Variants in MALRD1 observed in about 807,000 individuals in gnomAD.
MALRD1 encodes MAM and LDL-receptor class A domain-containing protein 1.
A neutral mutation model predicts 242.1 loss-of-function variants in MALRD1; 247 were observed. That is an observed-to-expected ratio of 1.02 (90% CI 0.92 to 1.13). The LOEUF is 1.13. Ranked by LOEUF, MALRD1 falls within the 50% of genes most tolerant of loss-of-function variation. MALRD1 has a pLI of 0.00. For missense variants in MALRD1, 2,989 were observed against 2,533.1 expected (o/e 1.18, Z -3.86); for synonymous variants, 995 against 866.6 (o/e 1.15, Z -2.60).
At chr10:19,139,082 A>G (rs953087263) in intron 10 of MALRD1, among the ~76,000 whole-genome samples, 4 of 152,232 alleles carry the variant, frequency 2.6e-5, no homozygotes, top group African/African-American at 9.6e-5. Flanking sequence ...ATGTAGCCAT[A>G]TTGCATACAG....
intron 36 of MALRD1, among the ~76,000 whole-genome samples, chr10:19,622,865 A>G (rs140830563): frequency 1.3e-5 from 2 of 152,128 alleles, no homozygotes; most frequent in East Asian, 3.9e-4. Flanking sequence ...GTACATATGA[A>G]AATTTAGTAA....
At chr10:19,264,958 C>T (rs1839914477) in intron 19 of MALRD1, among the ~76,000 whole-genome samples, 1 of 152,004 alleles carries the variant, frequency 6.6e-6, no homozygotes, top group Non-Finnish European at 1.5e-5. Context: ...TTTTTTATTT[C>T]TCGTTGATTC....
At chr10:19,480,747 G>A (rs904838305) in intron 29 of MALRD1, among the ~76,000 whole-genome samples, 5 of 152,100 alleles carry the variant, frequency 3.3e-5, no homozygotes, top group African/African-American at 4.8e-5. Context: ...CTTGTCGGGT[G>A]TACCAGTTCT....
At chr10:19,222,958 C>A in intron 18 of MALRD1, among the ~76,000 whole-genome samples, 1 of 152,146 alleles carries the variant, frequency 6.6e-6, no homozygotes, top group East Asian at 1.9e-4. Flanking sequence ...TCCCATTCAG[C>A]AGAAAATATT....
At chr10:19,072,050 C>T (rs1172568804) in intron 2 of MALRD1, among the ~76,000 whole-genome samples, 1 of 152,118 alleles carries the variant, frequency 6.6e-6, no homozygotes, top group Non-Finnish European at 1.5e-5. Flanking sequence ...CTTATGATTA[C>T]ATATTAAAAG....
intron 31 of MALRD1, among the ~76,000 whole-genome samples, chr10:19,526,866 C>T (rs1834125114): frequency 6.6e-6 from 1 of 152,070 alleles, no homozygotes; most frequent in Non-Finnish European, 1.5e-5. Flanking sequence ...TCTACGAAGT[C>T]ATATCTTTGC....
intron 14 of MALRD1, among the ~76,000 whole-genome samples, chr10:19,178,584 A>T (rs576730778): frequency 2.6e-5 from 4 of 152,332 alleles, no homozygotes; most frequent in South Asian, 2.1e-4. Context: ...CCGCGTGATG[A>T]AAATCGCAAG....
chr10:19,483,164 G>A (rs1837087383), intron 29 of MALRD1, among the ~76,000 whole-genome samples: 1 of 150,602 alleles, frequency 6.6e-6, no homozygotes, highest in Admixed American at 6.6e-5. Context: ...ACTCAAAATG[G>A]ATTAAAGATT....
intron 32 of MALRD1, among the ~76,000 whole-genome samples, chr10:19,564,254 A>AT (rs1217814909): frequency 1.3e-5 from 2 of 152,182 alleles, no homozygotes; most frequent in African/African-American, 4.8e-5. Context: ...ATTAAAAATA[A>AT]ATGCTGAGGA....
intron 38 of MALRD1, among the ~76,000 whole-genome samples, chr10:19,712,664 C>A (rs2131877454): frequency 6.6e-6 from 1 of 152,138 alleles, no homozygotes; most frequent in Admixed American, 6.5e-5. Context: ...CTCAAAGAAC[C>A]CAATAAAAAA....
intron 4 of MALRD1, 66 bp downstream of exon 4, chr10:19,088,251 G>C (rs542837791): frequency 8.3e-7 from 1 of 1,204,420 alleles, no homozygotes; most frequent in African/African-American, 1.6e-5. Context: ...TTAACACCAG[G>C]TGAACTAAAA....
intron 35 of MALRD1, among the ~76,000 whole-genome samples, chr10:19,608,882 T>C (rs1318713277): frequency 6.6e-6 from 1 of 152,104 alleles, no homozygotes; most frequent in Non-Finnish European, 1.5e-5. Flanking sequence ...TGTCACTTTC[T>C]CTGCACTCAG....
chr10:19,540,869 C>T (rs1340004516), intron 32 of MALRD1, among the ~76,000 whole-genome samples: 2 of 152,152 alleles, frequency 1.3e-5, no homozygotes, highest in Non-Finnish European at 2.9e-5. Context: ...AATCCCAGCA[C>T]TTTGGGAGGC....
intron 1 of MALRD1, among the ~76,000 whole-genome samples, chr10:19,064,162 A>AGTGATAC (rs1834903473): frequency 6.6e-6 from 1 of 152,156 alleles, no homozygotes; most frequent in African/African-American, 2.4e-5. Flanking sequence ...TTGAAAACAA[A>AGTGATAC]GTGATACGTT....
At chr10:19,129,070 G>C (rs564290069) in intron 8 of MALRD1, among the ~76,000 whole-genome samples, 1 of 152,144 alleles carries the variant, frequency 6.6e-6, no homozygotes, top group East Asian at 1.9e-4. Flanking sequence ...CAGCAATTCA[G>C]TTCTCTAGTG....
At chr10:19,313,696 T>C (rs1421427778) in intron 21 of MALRD1, among the ~76,000 whole-genome samples, 1 of 151,636 alleles carries the variant, frequency 6.6e-6, no homozygotes, top group Non-Finnish European at 1.5e-5. Context: ...TAGAGTCCTA[T>C]TTGAAATTAG....
chr10:19,303,213 A>G (rs1417270585), intron 21 of MALRD1, among the ~76,000 whole-genome samples: 2 of 151,704 alleles, frequency 1.3e-5, no homozygotes, highest in African/African-American at 2.4e-5. Context: ...ATACTATCCC[A>G]AGACCAAAAC....
intron 34 of MALRD1, among the ~76,000 whole-genome samples, chr10:19,599,943 A>G (rs1233976538): frequency 6.6e-6 from 1 of 152,172 alleles, no homozygotes. Context: ...ATGTATCCTT[A>G]TCATCCAGCC....
chr10:19,386,346 G>A (rs1386040003), intron 26 of MALRD1, among the ~76,000 whole-genome samples: 1 of 151,852 alleles, frequency 6.6e-6, no homozygotes, highest in Non-Finnish European at 1.5e-5. Flanking sequence ...GGCAGGGTGG[G>A]GCTACCACCT....
Sources: allele counts gnomAD v4.1 joint callset (sites outside exome capture counted in the v4.1 genomes callset), GRCh38; gene constraint gnomAD v4.1.1; transcripts MANE v1.5; gene names NCBI Gene and HGNC (gene_info 2026-07-23, HGNC 2026-07-21).